THSD7B: variants seen among roughly 807,000 people sequenced by gnomAD.
THSD7B encodes thrombospondin type-1 domain-containing protein 7B.
THSD7B carries 138 observed loss-of-function variants against 213.6 expected under a neutral mutation model. The observed-to-expected ratio is 0.65, with a 90% CI of 0.56 to 0.74. THSD7B has a LOEUF of 0.74. THSD7B is among the 30% of genes least tolerant of loss of function. The pLI is 0.00. For synonymous variants in THSD7B, 742 were observed against 687.0 expected (o/e 1.08, Z -1.25); for missense variants, 1,931 against 1,991.5 (o/e 0.97, Z 0.58).
chr2:137,596,557 A>G (rs1010988738), intron 17 of THSD7B, among the ~76,000 whole-genome samples: 5 of 152,094 alleles, frequency 3.3e-5, no homozygotes, highest in African/African-American at 1.2e-4. Context: ...TTGAGATAAA[A>G]TGAATTGACT....
intron 3 of THSD7B, among the ~76,000 whole-genome samples, chr2:137,061,781 A>G (rs1687279046): frequency 6.6e-6 from 1 of 151,618 alleles, no homozygotes; most frequent in Non-Finnish European, 1.5e-5. Context: ...ATTGAGACTT[A>G]TTTCATGTAT....
chr2:136,832,201 G>GTATA (rs146521861), intron 1 of THSD7B, among the ~76,000 whole-genome samples: 20 of 146,502 alleles, frequency 1.4e-4, no homozygotes, highest in African/African-American at 4.0e-4. Flanking sequence ...GTGTGTGTGT[G>GTATA]TATACACACA....
intron 14 of THSD7B, among the ~76,000 whole-genome samples, chr2:137,430,503 A>G (rs1687152709): frequency 6.6e-6 from 1 of 152,158 alleles, no homozygotes; most frequent in Non-Finnish European, 1.5e-5. Context: ...TAGCATACCC[A>G]TCAGAAGAGG....
chr2:137,092,017 T>C (rs1016234858), intron 3 of THSD7B, among the ~76,000 whole-genome samples: 10 of 152,184 alleles, frequency 6.6e-5, no homozygotes, highest in Admixed American at 5.9e-4. Flanking sequence ...GTCTAGTGGA[T>C]TTTGATCCCA....
At chr2:136,926,989 T>A (rs1479570204) in intron 2 of THSD7B, among the ~76,000 whole-genome samples, 1 of 152,232 alleles carries the variant, frequency 6.6e-6, no homozygotes, top group Non-Finnish European at 1.5e-5. Context: ...AACTTGTTTC[T>A]AACACTTTTG....
chr2:137,026,076 A>G (rs1686549059), intron 2 of THSD7B, among the ~76,000 whole-genome samples: 1 of 152,090 alleles, frequency 6.6e-6, no homozygotes, highest in Non-Finnish European at 1.5e-5. Flanking sequence ...TGATCATTCA[A>G]TTAAAAGATG....
intron 5 of THSD7B, among the ~76,000 whole-genome samples, chr2:137,116,025 C>T (rs1465758): frequency 0.022 from 3,362 of 152,266 alleles, 137 homozygotes; most frequent in African/African-American, 0.075. Context: ...GGAATGTTTC[C>T]TTGGGCTTGC....
intron 15 of THSD7B, among the ~76,000 whole-genome samples, chr2:137,523,392 T>C (rs146751267): frequency 6.6e-4 from 101 of 152,322 alleles, no homozygotes; most frequent in African/African-American, 2.4e-3. Context: ...GAGAAACTTA[T>C]ATATTACTGA....
intron 2 of THSD7B, among the ~76,000 whole-genome samples, chr2:137,039,585 C>G (rs1686841848): frequency 6.6e-6 from 1 of 152,172 alleles, no homozygotes; most frequent in African/African-American, 2.4e-5. Flanking sequence ...GACAATTCCT[C>G]CCACATGGAC....
chr2:137,657,180 A>G lies in THSD7B; in HGVS notation c.4375+20A>G. On this transcript the variant is annotated intron_variant, in intron 24 of 27. Transcript: ENST00000409968. ...TCACAGGTATTCCTGCCTAAGACTC[A>G]TGTGGGCACTTCACAAACACCCCTG... The G allele has an allele frequency of 6.2e-7, 1 of 1,609,390 alleles. No individual in the cohort carries two copies. Among genetic ancestry groups the G allele is most frequent in the Non-Finnish European group, 8.5e-7 (1 of 1,176,306 alleles).
chr2:137,557,792 G>T (rs1573707037), intron 15 of THSD7B, among the ~76,000 whole-genome samples: 1 of 152,230 alleles, frequency 6.6e-6, no homozygotes, highest in Non-Finnish European at 1.5e-5. Flanking sequence ...TTTTTGAAAA[G>T]ATCAACAAAA....
At chr2:136,888,616 A>G (rs1408286485) in intron 2 of THSD7B, among the ~76,000 whole-genome samples, 1 of 152,134 alleles carries the variant, frequency 6.6e-6, no homozygotes, top group Non-Finnish European at 1.5e-5. Context: ...CATGAGTGTT[A>G]AATCAGCAAT....
At chr2:137,083,262 T>G (rs1687780716) in intron 3 of THSD7B, among the ~76,000 whole-genome samples, 1 of 152,130 alleles carries the variant, frequency 6.6e-6, no homozygotes, top group Non-Finnish European at 1.5e-5. Flanking sequence ...TTACCTCAGC[T>G]TAATCTGGCT....
chr2:137,206,447 C>T (rs1370889421), intron 7 of THSD7B, among the ~76,000 whole-genome samples: 1 of 152,074 alleles, frequency 6.6e-6, no homozygotes. Context: ...CAGAGGTTTT[C>T]AGCCCTGACT....
chr2:136,983,371 G>GACACACACACACACACACACA (rs1398395384), intron 2 of THSD7B, among the ~76,000 whole-genome samples: 53,790 of 140,164 alleles, frequency 0.38, 13,628 homozygotes, highest in Non-Finnish European at 0.53. Flanking sequence ...ACACACACAC[G>GACACACACACACACACACACA]CACACACACT....
intron 17 of THSD7B, among the ~76,000 whole-genome samples, chr2:137,615,496 G>C (rs1044065260): frequency 1.3e-5 from 2 of 152,220 alleles, no homozygotes; most frequent in African/African-American, 4.8e-5. Context: ...GTTGACCTGG[G>C]TCAAGAACAT....
At chr2:137,172,776 G>C (rs1364074873) in intron 7 of THSD7B, among the ~76,000 whole-genome samples, 1 of 152,198 alleles carries the variant, frequency 6.6e-6, no homozygotes, top group East Asian at 1.9e-4. Flanking sequence ...GTGAGCGGCA[G>C]TCTTGAAGGA....
intron 1 of THSD7B, among the ~76,000 whole-genome samples, chr2:136,815,002 C>T (rs2104933130): frequency 6.6e-6 from 1 of 152,276 alleles, no homozygotes; most frequent in Admixed American, 6.5e-5. Flanking sequence ...TGCAGCCATG[C>T]TCATTAATTT....
At chr2:137,232,051 CTTTTA>C (rs1359550535) in intron 8 of THSD7B, among the ~76,000 whole-genome samples, 2 of 152,046 alleles carry the variant, frequency 1.3e-5, no homozygotes, top group South Asian at 2.1e-4. Context: ...CTTCTCTTTT[CTTTTA>C]TATTTCTGGA....
Sources: gnomAD v4.1 joint callset for allele counts (sites outside exome capture counted in the v4.1 genomes callset) on GRCh38, gnomAD v4.1.1 for gene constraint, MANE v1.5 for transcripts, NCBI Gene and HGNC (gene_info 2026-07-23, HGNC 2026-07-21) for gene names.